Variants in TSACC observed in about 807,000 individuals in gnomAD.
The protein encoded by TSACC is TSSK6 activating cochaperone, also known as TSSK6-activating co-chaperone protein.
Under a neutral mutation model 6.9 loss-of-function variants are expected in TSACC, and 3 were observed. The ratio of observed to expected loss-of-function variants is 0.43; its 90% CI spans 0.20 to 1.12. The LOEUF is 1.12. Among genes scored for constraint, TSACC ranks in the 50% most tolerant of loss-of-function variants. The probability of loss-of-function intolerance (pLI) is 0.28; values close to 1 mark genes in which losing one functional copy is unlikely to be tolerated. For missense variants in TSACC, 137 were observed against 143.9 expected (o/e 0.95, Z 0.24); for synonymous variants, 54 against 55.1 (o/e 0.98, Z 0.09).
In TSACC at chr1:156,339,810, G is replaced by A; in HGVS notation, c.34+19G>A. 1 of 1,613,228 alleles carries A rather than the reference G, an allele frequency of 6.2e-7. No homozygotes were observed. The highest frequency in any genetic ancestry group is 8.5e-7 in the Non-Finnish European group (1 of 1,179,758). Reference sequence around the variant, plus strand: ...AGAAAAGGTGTGTGTTGGAGGCCCTGCTTCCCCTCCCTTAAAAAGCAAGAC... The same window carrying A: ...AGAAAAGGTGTGTGTTGGAGGCCCTACTTCCCCTCCCTTAAAAAGCAAGAC... On this transcript the variant is annotated intron_variant, in intron 2 of 3. Coordinates refer to ENST00000368254, the MANE Select transcript of TSACC (RefSeq NM_001304817.2).
intron 2 of TSACC, among the ~76,000 whole-genome samples, chr1:156,344,014 A>T (rs1033273947): frequency 2.0e-5 from 3 of 152,168 alleles, no homozygotes; most frequent in Admixed American, 2.0e-4. Flanking sequence ...TGCTGGGATT[A>T]CAAGCATGAG....
chr1:156,344,755 G>T (rs1393283970), intron 3 of TSACC, 47 bp downstream of exon 3: 2 of 1,596,172 alleles, frequency 1.3e-6, no homozygotes, highest in Admixed American at 1.7e-5. Flanking sequence ...AGGGGGAAGG[G>T]TTGCATGGAG....
intron 1 of TSACC, 79 bp from the exon 2 acceptor site, chr1:156,339,555 G>A (rs1665700259): frequency 1.9e-6 from 1 of 527,278 alleles, no homozygotes; most frequent in East Asian, 3.2e-5. Flanking sequence ...ACTAGTGAAG[G>A]GGCCGTGAGA....
chr1:156,337,679 CA>C (rs1262236516), upstream of TSACC: 1 of 171,602 alleles, frequency 5.8e-6, no homozygotes, highest in Non-Finnish European at 1.3e-5. Context: ...CGACTTACCT[CA>C]TTTAATTCTC....
upstream of TSACC, chr1:156,338,393 G>A (rs1012884720): frequency 3.4e-6 from 2 of 581,158 alleles, no homozygotes; most frequent in African/African-American, 1.9e-5. Context: ...CGCCCCCTAC[G>A]CAAGAACGGC....
chr1:156,338,684 CTT>C (rs1008407398), intron 1 of TSACC, 79 bp downstream of exon 1: 2 of 162,522 alleles, frequency 1.2e-5, no homozygotes, highest in South Asian at 1.4e-4. Context: ...AGTTCCCACT[CTT>C]TTGGTCTAGC....
At chr1:156,341,631 A>G (rs964729697) in intron 2 of TSACC, among the ~76,000 whole-genome samples, 1 of 152,186 alleles carries the variant, frequency 6.6e-6, no homozygotes, top group Non-Finnish European at 1.5e-5. Flanking sequence ...TCTGTTATAC[A>G]TTGTCAGAAA....
At position 156,344,486 on chromosome 1, in the gene TSACC, C is replaced by T. The variant is rs553528809; in HGVS notation, c.35-94C>T. The T allele has an allele frequency of 2.0e-3, 3,064 of 1,510,454 alleles. 3 individuals carry two copies. Among genetic ancestry groups the T allele is most frequent in the Non-Finnish European group, 1.9e-3 (2,106 of 1,123,846 alleles). The allele number at this position is 1,510,454 out of a possible 1,614,324, so 93.6% of individuals were successfully genotyped here. A position where few individuals can be genotyped will look rare whatever the true frequency, so the allele number is the denominator to read the frequency against. On this transcript the variant is annotated intron_variant, in intron 2 of 3. Coordinates refer to ENST00000368254, the MANE Select transcript of TSACC (RefSeq NM_001304817.2). ...ATATGTAACATATTCACGGCAGGGC[C>T]TGGGCACCTGCTTTCATGGACCAGG...
Position 156,346,883 on chromosome 1 carries a change from T to C in TSACC, c.279T>C (p.Ser93=). Residue 93 remains serine (S), a synonymous_variant, in exon 4 of 4, where the codon TCT becomes TCC. Coordinates refer to ENST00000368254, the MANE Select transcript of TSACC (RefSeq NM_001304817.2). ...CTGTTTTGGAACATTTACAGGCATC[T>C]GTGACACAACTGGCTCCTGGGAGGG... is the stretch of plus-strand genomic sequence containing the variant. ...QMAVLEHLQA[S]VTQLAPGRGS... The C allele has an allele frequency of 6.2e-7, 1 of 1,614,216 alleles. No individual in the cohort carries two copies. The highest frequency in any genetic ancestry group is 8.5e-7 in the Non-Finnish European group (1 of 1,180,040).
intron 2 of TSACC, among the ~76,000 whole-genome samples, chr1:156,342,424 G>A (rs1021257747): frequency 6.6e-6 from 1 of 152,180 alleles, no homozygotes; most frequent in African/African-American, 2.4e-5. Flanking sequence ...TAGGCTCAGT[G>A]ACCTTCCAGA....
intron 3 of TSACC, among the ~76,000 whole-genome samples, chr1:156,346,193 CAA>C (rs60688957): frequency 6.2e-4 from 33 of 53,592 alleles, no homozygotes; most frequent in Admixed American, 1.2e-3. Flanking sequence ...ACTCCGTCTC[CAA>C]AAAAAAAAAA....
upstream of TSACC, chr1:156,337,773 T>C (rs1359749368): frequency 1.5e-5 from 4 of 267,484 alleles, no homozygotes; most frequent in Non-Finnish European, 2.8e-5. Flanking sequence ...GGGCCAAGAA[T>C]ATAAAGCTAG....
At chr1:156,339,405 T>TG (rs1234150883) in intron 1 of TSACC, among the ~76,000 whole-genome samples, 3 of 152,128 alleles carry the variant, frequency 2.0e-5, no homozygotes, top group African/African-American at 7.2e-5. Context: ...GAGAAGGACT[T>TG]ATCATACCGT....
chr1:156,346,536 G>C (rs1488967090), intron 3 of TSACC, among the ~76,000 whole-genome samples: 2 of 152,022 alleles, frequency 1.3e-5, no homozygotes, highest in African/African-American at 4.8e-5. Context: ...AAATATTATG[G>C]GAAAAGTGAA....
chr1:156,338,230 A>T, upstream of TSACC: 2 of 1,560,930 alleles, frequency 1.3e-6, no homozygotes, highest in Non-Finnish European at 1.7e-6. Context: ...GGGAACCGGC[A>T]GAACCTTCTG....
chr1:156,338,458 T>C (rs1477401966), upstream of TSACC: 2 of 548,164 alleles, frequency 3.6e-6, no homozygotes, highest in Admixed American at 3.2e-5. Context: ...CACAGGCGCT[T>C]GCGCAGTAGG....
At chr1:156,342,465 T>C (rs1248359282) in intron 2 of TSACC, among the ~76,000 whole-genome samples, 1 of 152,228 alleles carries the variant, frequency 6.6e-6, no homozygotes, top group African/African-American at 2.4e-5. Flanking sequence ...CACCCACATA[T>C]AAGCACTTCT....
At position 156,339,763 on chromosome 1, in the gene TSACC, G is replaced by T; in HGVS notation, c.6G>T (p.Glu2Asp). ...CCACACCTGTTGGTGTTCAGATGGA[G>T]CGGCACACTAGTCATCCTAACAGAA... MERHTSHPNRKV... is the reference protein window; with the variant it reads MDRHTSHPNRKV... Residue 2 changes from glutamate (E) to aspartate (D), a missense_variant, in exon 2 of 4, where the codon GAG (glutamate) becomes GAT (aspartate). Glu to Asp is a conservative substitution (Grantham distance 45). Coordinates refer to ENST00000368254, the MANE Select transcript of TSACC (RefSeq NM_001304817.2). 1 of 1,614,154 alleles carries T rather than the reference G, an allele frequency of 6.2e-7. No homozygotes were observed. Among genetic ancestry groups the T allele is most frequent in the Non-Finnish European group, 8.5e-7 (1 of 1,180,014 alleles).
At chr1:156,344,742 A>C (rs1666078430) in intron 3 of TSACC, 34 bp downstream of exon 3, 8 of 1,608,046 alleles carry the variant, frequency 5.0e-6, no homozygotes, top group Non-Finnish European at 5.9e-6. Flanking sequence ...TAATGGACTC[A>C]ACAGGGGGAA....
Sources: allele counts gnomAD v4.1 joint callset (sites outside exome capture counted in the v4.1 genomes callset), GRCh38; gene constraint gnomAD v4.1.1; transcripts MANE v1.5; gene names NCBI Gene and HGNC (gene_info 2026-07-23, HGNC 2026-07-21).